Variants in MICU2 observed in about 807,000 individuals in gnomAD.
MICU2 encodes mitochondrial calcium uptake 2, also known as calcium uptake protein 2, mitochondrial.
In MICU2, 64 loss-of-function variants were observed where a neutral mutation model predicts 60.4. The observed-to-expected ratio is 1.06, with a 90% CI of 0.87 to 1.31. MICU2 has a LOEUF of 1.31. Among genes scored for constraint, MICU2 ranks in the 50% most tolerant of loss-of-function variants. MICU2 has a pLI of 0.00. For synonymous variants in MICU2, 201 were observed against 175.0 expected, an observed-to-expected ratio of 1.15 and a Z score of -1.17; for missense variants, 569 against 531.0, an observed-to-expected ratio of 1.07 and a Z score of -0.70.
At chr13:21,558,214 TC>T (rs1432437288) in intron 2 of MICU2, among the ~76,000 whole-genome samples, 1 of 152,194 alleles carries the variant, frequency 6.6e-6, no homozygotes, top group Admixed American at 6.5e-5. Context: ...CTGATGTTGC[TC>T]CTCAGGGAGG....
At chr13:21,531,173 AAAGG>A in intron 4 of MICU2, 1 of 938,224 alleles carries the variant, frequency 1.1e-6, no homozygotes, top group Non-Finnish European at 1.8e-6. Flanking sequence ...ACTGTGACAA[AAAGG>A]AAGACATTCT....
chr13:21,534,840 T>C (rs1887094454), intron 4 of MICU2, among the ~76,000 whole-genome samples: 1 of 152,028 alleles, frequency 6.6e-6, no homozygotes. Context: ...TGTAACAAAA[T>C]ACAAAAAATG....
intron 2 of MICU2, chr13:21,551,384 T>C (rs535300276): frequency 6.6e-6 from 1 of 152,490 alleles, no homozygotes; most frequent in Admixed American, 6.5e-5. Context: ...TTTCCAATTT[T>C]AGTATACGTG....
At chr13:21,539,175 C>A in intron 4 of MICU2, 127 bp downstream of exon 4, 1 of 749,630 alleles carries the variant, frequency 1.3e-6, no homozygotes, top group Non-Finnish European at 2.2e-6. Flanking sequence ...GAAAAAGTTA[C>A]CTCCTTACTT....
chr13:21,590,217 G>A (rs1306070878), intron 1 of MICU2, among the ~76,000 whole-genome samples: 5 of 152,160 alleles, frequency 3.3e-5, no homozygotes, highest in Non-Finnish European at 7.4e-5. Flanking sequence ...CCTACAAAGG[G>A]AAGCCCATCA....
intron 8 of MICU2, 126 bp downstream of exon 8, chr13:21,509,878 A>T: frequency 1.9e-6 from 1 of 522,856 alleles, no homozygotes; most frequent in Non-Finnish European, 3.3e-6. Flanking sequence ...TACTACACAG[A>T]TCCACAAAAT....
intron 1 of MICU2, among the ~76,000 whole-genome samples, chr13:21,594,337 C>A (rs1888647415): frequency 6.6e-6 from 1 of 152,172 alleles, no homozygotes; most frequent in South Asian, 2.1e-4. Flanking sequence ...GAGATACCAT[C>A]TCATGCCAGT....
rs74609991 is a variant in MICU2 at position 21,581,165 on chromosome 13, T to C, written c.211-14221A>G. On this transcript the variant is annotated intron_variant, in intron 1 of 11. Coordinates refer to ENST00000382374, the MANE Select transcript of MICU2 (RefSeq NM_152726.3). ...ACTAAGAACTAGGAAGAGACAAGGATGTAACCTGAAAATTTAGAGCAGAGG... is the reference window on the plus strand; with the variant it reads ...ACTAAGAACTAGGAAGAGACAAGGACGTAACCTGAAAATTTAGAGCAGAGG... 2.2e-4 allele frequency among the ~76,000 whole-genome samples: 33 copies of C among 152,300 alleles called. 2 individuals are homozygous for C. The East Asian group carries it at 2.3e-3, about 11-fold the overall frequency.
At chr13:21,517,797 ACACGCG>A (rs1555271284) in intron 6 of MICU2, among the ~76,000 whole-genome samples, 2,382 of 89,956 alleles carry the variant, frequency 0.026, 37 homozygotes, top group African/African-American at 0.076. Flanking sequence ...ACACACACAC[ACACGCG>A]CGCGCGCGCG....
At chr13:21,576,945 A>G (rs1299039506) in intron 1 of MICU2, among the ~76,000 whole-genome samples, 1 of 152,256 alleles carries the variant, frequency 6.6e-6, no homozygotes, top group Non-Finnish European at 1.5e-5. Flanking sequence ...CAAAAATAGA[A>G]CAAAAAATTT....
chr13:21,558,971 C>A (rs1887773780), intron 2 of MICU2, among the ~76,000 whole-genome samples: 1 of 152,148 alleles, frequency 6.6e-6, no homozygotes, highest in Non-Finnish European at 1.5e-5. Flanking sequence ...AGGAAACCCT[C>A]TGTTCTTGGC....
At chr13:21,498,798 AAG>A (rs1886069176) in intron 9 of MICU2, among the ~76,000 whole-genome samples, 1 of 146,380 alleles carries the variant, frequency 6.8e-6, no homozygotes, top group South Asian at 2.4e-4. Context: ...GTATATTTAC[AAG>A]ATGATAGAGA....
intron 9 of MICU2, among the ~76,000 whole-genome samples, chr13:21,500,827 AT>A (rs1886133890): frequency 6.6e-6 from 1 of 152,142 alleles, no homozygotes; most frequent in African/African-American, 2.4e-5. Context: ...TCTCATTATA[AT>A]TTTTGCAGGG....
intron 1 of MICU2, among the ~76,000 whole-genome samples, chr13:21,575,342 C>A (rs757751130): frequency 1.3e-5 from 2 of 151,722 alleles, no homozygotes; most frequent in African/African-American, 2.4e-5. Context: ...TCCATAATTA[C>A]CTTCCAAGAG....
chr13:21,539,573 C>T (rs1397586560), intron 3 of MICU2, 84 bp downstream of exon 3: 4 of 1,557,640 alleles, frequency 2.6e-6, no homozygotes, highest in Non-Finnish European at 3.5e-6. Flanking sequence ...GCTGGGATTA[C>T]AGGTGTGAGC....
intron 4 of MICU2, among the ~76,000 whole-genome samples, chr13:21,534,212 C>CTTT (rs10587307): frequency 1.4e-5 from 2 of 147,340 alleles, no homozygotes; most frequent in African/African-American, 2.5e-5. Context: ...TTTTCCTTTC[C>CTTT]TTTTTTTTTT....
intron 1 of MICU2, among the ~76,000 whole-genome samples, chr13:21,588,637 C>T (rs1474381521): frequency 2.6e-5 from 4 of 152,178 alleles, no homozygotes; most frequent in Admixed American, 6.5e-5. Context: ...CATCCCCAAG[C>T]GGATGTGTGG....
intron 9 of MICU2, among the ~76,000 whole-genome samples, chr13:21,499,384 G>A (rs1886085588): frequency 6.6e-6 from 1 of 151,530 alleles, no homozygotes; most frequent in African/African-American, 2.4e-5. Flanking sequence ...GTAACTTACT[G>A]TGCGAGACCG....
intron 2 of MICU2, among the ~76,000 whole-genome samples, chr13:21,565,995 C>T (rs1887972058): frequency 6.6e-6 from 1 of 152,152 alleles, no homozygotes; most frequent in Non-Finnish European, 1.5e-5. Flanking sequence ...CAATTTCATC[C>T]CTCACTACTG....
Sources: allele counts gnomAD v4.1 joint callset (sites outside exome capture counted in the v4.1 genomes callset), GRCh38; gene constraint gnomAD v4.1.1; transcripts MANE v1.5; gene names NCBI Gene and HGNC (gene_info 2026-07-23, HGNC 2026-07-21).